Variants in DNAJB14 observed in about 807,000 individuals in gnomAD.
DNAJB14 encodes the protein dnaJ homolog subfamily B member 14.
Under a neutral mutation model 48.4 loss-of-function variants are expected in DNAJB14, and 22 were observed. The ratio of observed to expected loss-of-function variants is 0.45; its 90% CI spans 0.32 to 0.65. DNAJB14 has a LOEUF of 0.65. DNAJB14 is among the 30% of genes least tolerant of loss of function. The pLI is 0.03. For synonymous variants in DNAJB14, 142 were observed against 158.7 expected (o/e 0.89, Z 0.79); for missense variants, 319 against 458.8 (o/e 0.70, Z 2.78).
intron 2 of DNAJB14, chr4:99,927,616 A>G (rs964754244): frequency 3.3e-5 from 5 of 152,170 alleles, no homozygotes; most frequent in African/African-American, 9.6e-5. Flanking sequence ...TTATTTTTCA[A>G]TACACTTCAA....
chr4:99,915,923 T>C (rs952713804), intron 3 of DNAJB14, among the ~76,000 whole-genome samples: 11 of 152,218 alleles, frequency 7.2e-5, no homozygotes, highest in African/African-American at 2.7e-4. Context: ...TCGGTGCATA[T>C]ACATTTATGT....
intron 1 of DNAJB14, among the ~76,000 whole-genome samples, chr4:99,934,138 T>A (rs1726581535): frequency 6.6e-6 from 1 of 150,626 alleles, no homozygotes; most frequent in Admixed American, 6.6e-5. Flanking sequence ...GGACCCAAAC[T>A]GAAGAGGACA....
At chr4:99,930,281 T>C (rs1430706988) in intron 2 of DNAJB14, 169 bp downstream of exon 2, 2 of 505,072 alleles carry the variant, frequency 4.0e-6, no homozygotes, top group Non-Finnish European at 6.4e-6. Flanking sequence ...ATAGAGTTGG[T>C]ACTTTACAGA....
Position 99,897,868 on chromosome 4 carries a change from C to T in DNAJB14, c.*3160G>A, listed in dbSNP as rs1195197645. The T allele has an allele frequency of 6.6e-6, 1 of 151,902 alleles. No homozygotes were observed. The highest frequency in any genetic ancestry group is 2.4e-5 in the African/African-American group (1 of 41,390). 9.4% of individuals were successfully genotyped at this position (151,902 alleles called of 1,614,324 possible). A position where few individuals can be genotyped will look rare whatever the true frequency, so the allele number is the denominator to read the frequency against. On this transcript the variant is annotated 3_prime_UTR_variant, in exon 8 of 8. Transcript: ENST00000442697. ...GAAATGTACAAATTCTCTTCTTAAC[C>T]ATTTGGTCCTCTGATATAAAACTTG... is the stretch of plus-strand genomic sequence containing the variant.
chr4:99,929,644 G>A lies in DNAJB14; in HGVS notation c.305+806C>T, dbSNP rs1560743554. The A allele has an allele frequency of 2.0e-5, 3 of 152,096 alleles. No homozygotes were observed. The East Asian group carries it at 5.8e-4, about 29-fold the overall frequency. The allele number at this position is 152,096 out of a possible 1,614,324, so 9.4% of individuals were successfully genotyped here. A position where few individuals can be genotyped will look rare whatever the true frequency, so the allele number is the denominator to read the frequency against. ...TGAAAAAAGAAATAAAATTAAAAGA[G>A]AAACAGACAAGAAAGGACAAATGAG... On this transcript the variant is annotated intron_variant, in intron 2 of 7. Transcript: ENST00000442697.
At chr4:99,932,854 T>A (rs1021780412) in intron 1 of DNAJB14, among the ~76,000 whole-genome samples, 4 of 152,134 alleles carry the variant, frequency 2.6e-5, no homozygotes, top group African/African-American at 9.7e-5. Context: ...GAAAACATTA[T>A]GCTAAGTGAA....
chr4:99,914,676 A>G (rs146722441), intron 3 of DNAJB14, among the ~76,000 whole-genome samples: 1 of 151,786 alleles, frequency 6.6e-6, no homozygotes, highest in Non-Finnish European at 1.5e-5. Flanking sequence ...AAATAAAAAT[A>G]AAAATTAAAA....
intron 1 of DNAJB14, among the ~76,000 whole-genome samples, chr4:99,939,379 GAAATA>G (rs1397495201): frequency 6.6e-6 from 1 of 152,128 alleles, no homozygotes; most frequent in Non-Finnish European, 1.5e-5. Context: ...TTTTTTAAAT[GAAATA>G]AAATAAAACA....
chr4:99,904,214 C>T (rs543398862), intron 6 of DNAJB14, among the ~76,000 whole-genome samples: 5 of 152,216 alleles, frequency 3.3e-5, no homozygotes, highest in South Asian at 2.1e-4. Flanking sequence ...ACAGCTGACA[C>T]GGGTATTCTG....
At position 99,946,549 on chromosome 4, in the gene DNAJB14, G is replaced by A; in HGVS notation, c.23C>T (p.Ala8Val). Residue 8 changes from alanine (A) to valine (V), a missense_variant, in exon 1 of 8, where the codon GCT (alanine) becomes GTT (valine). Physicochemically the swap from Ala to Val is moderately conservative, Grantham distance 64. Transcript: ENST00000442697. ...CCGGGCGATCTCGACACATTTCTCA[G>A]CCTCATCCCTGTTCCCCTCCATAGC... is the stretch of plus-strand genomic sequence containing the variant. Reference protein sequence around the residue: MEGNRDEAEKCVEIAREA... With the variant: MEGNRDEVEKCVEIAREA... The A allele has an allele frequency of 6.2e-7, 1 of 1,613,832 alleles. No homozygotes were observed. Among genetic ancestry groups the A allele is most frequent in the African/African-American group, 1.3e-5 (1 of 75,042 alleles).
intron 3 of DNAJB14, among the ~76,000 whole-genome samples, chr4:99,913,293 T>C (rs1285801641): frequency 6.6e-6 from 1 of 152,208 alleles, no homozygotes; most frequent in African/African-American, 2.4e-5. Flanking sequence ...TCTTTCACCA[T>C]TTAATGTTAG....
At chr4:99,943,863 A>T (rs1054062937) in intron 1 of DNAJB14, among the ~76,000 whole-genome samples, 2 of 152,222 alleles carry the variant, frequency 1.3e-5, no homozygotes, top group African/African-American at 4.8e-5. Context: ...AGCACAAAAA[A>T]ACAAAGCAAA....
chr4:99,909,178 A>C (rs921244659), intron 3 of DNAJB14, among the ~76,000 whole-genome samples: 30 of 152,152 alleles, frequency 2.0e-4, no homozygotes, highest in African/African-American at 7.2e-4. Flanking sequence ...CTGCCTCTTA[A>C]GCCATTCTTC....
intron 3 of DNAJB14, among the ~76,000 whole-genome samples, chr4:99,911,645 A>T (rs1725664227): frequency 6.6e-6 from 1 of 152,218 alleles, no homozygotes. Flanking sequence ...CTAATGAATG[A>T]CAGAGAAAAT....
intron 1 of DNAJB14, 138 bp downstream of exon 1, chr4:99,946,301 C>A: frequency 7.4e-7 from 1 of 1,356,348 alleles, no homozygotes; most frequent in Non-Finnish European, 1.0e-6. Flanking sequence ...GGATGCTCCC[C>A]ACCGGGCCTG....
intron 3 of DNAJB14, among the ~76,000 whole-genome samples, chr4:99,914,269 C>G (rs149987062): frequency 0.01 from 1,567 of 152,192 alleles, 29 homozygotes; most frequent in African/African-American, 0.035. Context: ...TGATAGACTG[C>G]ATTAAGAAAA....
chr4:99,907,827 C>T (rs1384641661), intron 4 of DNAJB14, among the ~76,000 whole-genome samples: 3 of 152,054 alleles, frequency 2.0e-5, no homozygotes, highest in Admixed American at 6.6e-5. Context: ...GTAAACAAGA[C>T]TAAAGCTATA....
intron 1 of DNAJB14, among the ~76,000 whole-genome samples, chr4:99,936,747 G>A (rs144538699): frequency 2.0e-4 from 31 of 152,264 alleles, no homozygotes; most frequent in African/African-American, 4.8e-4. Context: ...GAAGGGGCTC[G>A]CACTAACTAA....
At chr4:99,945,828 C>T (rs1727046974) in intron 1 of DNAJB14, among the ~76,000 whole-genome samples, 1 of 152,216 alleles carries the variant, frequency 6.6e-6, no homozygotes. Context: ...CGTCGATAAT[C>T]ATGGTGTTAT....
Sources: gnomAD v4.1 joint callset for allele counts (sites outside exome capture counted in the v4.1 genomes callset) on GRCh38, gnomAD v4.1.1 for gene constraint, MANE v1.5 for transcripts, NCBI Gene and HGNC (gene_info 2026-07-23, HGNC 2026-07-21) for gene names.